Variants in CACNB2 observed in about 807,000 individuals in gnomAD.
CACNB2 encodes calcium voltage-gated channel auxiliary subunit beta 2.
Under a neutral mutation model 73.3 loss-of-function variants are expected in CACNB2, and 42 were observed. The ratio of observed to expected loss-of-function variants is 0.57; its 90% confidence interval spans 0.45 to 0.74. The LOEUF (loss-of-function observed/expected upper bound fraction) is 0.74. Ranked by LOEUF, CACNB2 falls within the 30% of genes least tolerant of loss-of-function variation. The pLI is 0.00. For missense variants in CACNB2, 940 were observed against 853.0 expected (o/e 1.10, Z -1.27); for synonymous variants, 348 against 310.3 (o/e 1.12, Z -1.28).
At chr10:18,173,215 T>A (rs1282859051) in intron 2 of CACNB2, among the ~76,000 whole-genome samples, 1 of 152,166 alleles carries the variant, frequency 6.6e-6, no homozygotes, top group Non-Finnish European at 1.5e-5. Context: ...CCATTGCACC[T>A]GGCCATAAGG....
chr10:18,174,794 T>G (rs1265255807), intron 2 of CACNB2, among the ~76,000 whole-genome samples: 1 of 152,130 alleles, frequency 6.6e-6, no homozygotes, highest in Non-Finnish European at 1.5e-5. Context: ...TGTTCTAACA[T>G]GAGTTCAAAT....
intron 10 of CACNB2, among the ~76,000 whole-genome samples, chr10:18,532,506 C>G (rs2053131773): frequency 6.6e-6 from 1 of 151,840 alleles, no homozygotes; most frequent in Non-Finnish European, 1.5e-5. Flanking sequence ...AACGCCATCT[C>G]TACTAAAAGT....
intron 3 of CACNB2, among the ~76,000 whole-genome samples, chr10:18,463,288 C>G (rs1489211912): frequency 6.6e-6 from 1 of 152,072 alleles, no homozygotes; most frequent in East Asian, 1.9e-4. Flanking sequence ...TTTTCGGAGG[C>G]TGAGGCAGGA....
chr10:18,482,738 C>T (rs1188148517), intron 3 of CACNB2, among the ~76,000 whole-genome samples: 3 of 152,112 alleles, frequency 2.0e-5, no homozygotes, highest in Admixed American at 6.6e-5. Flanking sequence ...TCTCGAACTC[C>T]TTACCTCAGG....
intron 4 of CACNB2, chr10:18,498,814 G>T: frequency 3.3e-6 from 1 of 306,260 alleles, no homozygotes; most frequent in East Asian, 8.8e-5. Context: ...CCTGATGCCT[G>T]AAGTCTAGGC....
At chr10:18,368,863 A>C (rs912720452) in intron 2 of CACNB2, among the ~76,000 whole-genome samples, 3 of 152,188 alleles carry the variant, frequency 2.0e-5, no homozygotes, top group African/African-American at 7.2e-5. Context: ...GTATGTAATC[A>C]TGTTAAACAG....
chr10:18,421,674 T>A (rs1589302385), intron 3 of CACNB2, among the ~76,000 whole-genome samples: 1 of 152,220 alleles, frequency 6.6e-6, no homozygotes, highest in Admixed American at 6.5e-5. Context: ...ATATATGATA[T>A]GAATCTGTGA....
intron 9 of CACNB2, among the ~76,000 whole-genome samples, chr10:18,523,664 C>CTAG (rs1799421074): frequency 6.6e-6 from 1 of 152,056 alleles, no homozygotes; most frequent in African/African-American, 2.4e-5. Context: ...CATTTTTACC[C>CTAG]ATGGCAAGAC....
chr10:18,448,466 ACTCT>A (rs1185724543), intron 3 of CACNB2, among the ~76,000 whole-genome samples: 1 of 138,160 alleles, frequency 7.2e-6, no homozygotes, highest in Non-Finnish European at 1.5e-5. Flanking sequence ...CAAGAGCAAA[ACTCT>A]CTCTCATTTA....
chr10:18,501,529 G>T (rs1434762552), intron 5 of CACNB2, among the ~76,000 whole-genome samples: 1 of 152,214 alleles, frequency 6.6e-6, no homozygotes, highest in Non-Finnish European at 1.5e-5. Flanking sequence ...TCCCTCCTAG[G>T]ATTTGTGAGG....
intron 2 of CACNB2, among the ~76,000 whole-genome samples, chr10:18,287,733 T>C (rs1484366710): frequency 6.6e-6 from 1 of 152,056 alleles, no homozygotes; most frequent in Non-Finnish European, 1.5e-5. Context: ...CCCTGTAGTC[T>C]CAGCTACTTA....
chr10:18,530,594 CATGTAATGTATTGAATACTAAAAGT>C (rs1055437382), intron 10 of CACNB2, among the ~76,000 whole-genome samples: 8 of 150,678 alleles, frequency 5.3e-5, no homozygotes, highest in Non-Finnish European at 8.8e-5. Flanking sequence ...TAGAGTATAT[CATGTAATGTATTGAATACTAAAAGT>C]GAAAAACAGA....
intron 3 of CACNB2, among the ~76,000 whole-genome samples, chr10:18,445,792 G>T (rs1432027421): frequency 6.6e-6 from 1 of 152,164 alleles, no homozygotes; most frequent in African/African-American, 2.4e-5. Context: ...CCAGCACTTT[G>T]GGAGACCAAG....
intron 2 of CACNB2, among the ~76,000 whole-genome samples, chr10:18,289,810 C>G (rs2038984501): frequency 6.6e-6 from 1 of 151,892 alleles, no homozygotes; most frequent in African/African-American, 2.4e-5. Context: ...AAATTTTACT[C>G]CAAAATATGT....
intron 12 of CACNB2, among the ~76,000 whole-genome samples, chr10:18,537,247 C>T (rs1041986406): frequency 2.0e-5 from 3 of 152,048 alleles, no homozygotes; most frequent in Non-Finnish European, 4.4e-5. Context: ...CTTGGCCTCC[C>T]AAAGTGCTGG....
intron 3 of CACNB2, among the ~76,000 whole-genome samples, chr10:18,481,840 G>T (rs1249977787): frequency 6.6e-6 from 1 of 152,160 alleles, no homozygotes; most frequent in Non-Finnish European, 1.5e-5. Context: ...GATATGGACA[G>T]CCATTACAAC....
In CACNB2 at chr10:18,226,596, C is replaced by T. The variant is rs75657337; in HGVS notation, c.213+75621C>T. On this transcript the variant is annotated intron_variant, in intron 2 of 13. Coordinates refer to ENST00000324631, the MANE Select transcript of CACNB2 (RefSeq NM_201596.3). ...CCTGTTTGTTGCTTCTACGATCTGC[C>T]GGCACTTCTTGAGATTCATGAGCGT... Among the ~76,000 whole-genome samples, 1,131 of 152,190 alleles carry T rather than the reference C, an allele frequency of 7.4e-3. 17 individuals are homozygous for T. The highest frequency in any genetic ancestry group is 0.026 in the African/African-American group (1,088 of 41,518).
intron 2 of CACNB2, among the ~76,000 whole-genome samples, chr10:18,226,588 C>T (rs181498578): frequency 1.3e-5 from 2 of 152,274 alleles, no homozygotes; most frequent in Admixed American, 1.3e-4. Flanking sequence ...GTTGCTTCTA[C>T]GATCTGCCGG....
chr10:18,374,182 C>A (rs1238541814), intron 2 of CACNB2, among the ~76,000 whole-genome samples: 2 of 152,184 alleles, frequency 1.3e-5, no homozygotes, highest in African/African-American at 4.8e-5. Context: ...AACCAGAGCA[C>A]TGGATGAGCA....
Sources: gnomAD v4.1 joint callset for allele counts (sites outside exome capture counted in the v4.1 genomes callset) on GRCh38, gnomAD v4.1.1 for gene constraint, MANE v1.5 for transcripts, NCBI Gene and HGNC (gene_info 2026-07-23, HGNC 2026-07-21) for gene names.